The following FKBP15 variants were observed in gnomAD, a reference collection of about 807,000 sequenced individuals.
The protein encoded by FKBP15 is FK506-binding protein 15.
In FKBP15, 106 loss-of-function variants were observed where a neutral mutation model predicts 158.1. The ratio of observed to expected loss-of-function variants is 0.67; its 90% CI spans 0.57 to 0.79. FKBP15 has a LOEUF of 0.79. FKBP15 is among the 30% of genes least tolerant of loss of function. The pLI is 0.00. For synonymous variants in FKBP15, 547 were observed against 548.6 expected (o/e 1.00, Z 0.04); for missense variants, 1,287 against 1,479.1 (o/e 0.87, Z 2.13).
chr9:113,211,617 A>T, intron 1 of FKBP15, 25 bp from the exon 2 acceptor site: 1 of 1,516,724 alleles, frequency 6.6e-7, no homozygotes, highest in Admixed American at 1.9e-5. Flanking sequence ...TGAAAAATGA[A>T]ATTTCACTGA....
chr9:113,161,761 C>A lies in FKBP15; in HGVS notation c.*4317G>T. ...ACATTCACCCTGAGAGACAGGCTGG[C>A]CCAGACAGCATTAGCCCCACTTCAC... is the stretch of plus-strand genomic sequence containing the variant. On this transcript the variant is annotated 3_prime_UTR_variant, in exon 28 of 28. Coordinates refer to ENST00000238256, the MANE Select transcript of FKBP15 (RefSeq NM_015258.2). 1 of 1,558,898 alleles carries A rather than the reference C, an allele frequency of 6.4e-7. No homozygotes were observed. Among genetic ancestry groups the A allele is most frequent in the Non-Finnish European group, 8.8e-7 (1 of 1,134,646 alleles).
chr9:113,206,453 C>G (rs1336366562), intron 4 of FKBP15, 56 bp downstream of exon 4: 1 of 1,409,976 alleles, frequency 7.1e-7, no homozygotes, highest in Non-Finnish European at 1.0e-6. Context: ...TAAAAGCCAG[C>G]TCATTGGTAT....
chr9:113,197,535 G>C (rs1226648402), intron 8 of FKBP15, among the ~76,000 whole-genome samples: 1 of 152,134 alleles, frequency 6.6e-6, no homozygotes, highest in Non-Finnish European at 1.5e-5. Context: ...CAGATGTGGT[G>C]GTGCGCTCCT....
chr9:113,216,281 C>T (rs1011116680), intron 1 of FKBP15, among the ~76,000 whole-genome samples: 6 of 152,094 alleles, frequency 3.9e-5, no homozygotes, highest in African/African-American at 1.4e-4. Context: ...GTTATTTTGG[C>T]TTTTCAGGTT....
rs780318687 is a variant in FKBP15, at chr9:113,221,202, C to G, written c.42G>C (p.Ser14=). Reference sequence around the variant, plus strand: ...TCTCAGTCACTCACCCGCCGCTCGGCGAGAGGAAATCGGTGTCGTCCTCGT... The same window carrying G: ...TCTCAGTCACTCACCCGCCGCTCGGGGAGAGGAAATCGGTGTCGTCCTCGT... ...AGDEDDTDFL[S]PSGGARLASL... Residue 14 remains serine (S), a synonymous_variant, in exon 1 of 28, where the codon TCG becomes TCC. Transcript: ENST00000238256. The G allele has an allele frequency of 6.2e-6, 10 of 1,610,120 alleles. No homozygotes were observed. The highest frequency in any genetic ancestry group is 8.5e-6 in the Non-Finnish European group (10 of 1,178,006).
At position 113,169,239 on chromosome 9, in the gene FKBP15, T is replaced by G; in HGVS notation, c.3470A>C (p.His1157Pro). 1.9e-6 allele frequency: 3 copies of G among 1,613,286 alleles called. No homozygotes were observed. Among genetic ancestry groups the G allele is most frequent in the Non-Finnish European group, 2.5e-6 (3 of 1,179,418 alleles). Residue 1157 changes from histidine to proline, a missense_variant, in exon 26 of 28, where the codon CAT becomes CCT. Coordinates refer to ENST00000238256, the MANE Select transcript of FKBP15 (RefSeq NM_015258.2). ...AGGAACATACCTGGAACGCTGGGAA[T>G]GATGGCTGGGTCTGAGGGCTGCTCC... Reference protein sequence around the residue: ...VAGAALRPSHHSQRSSLSGDE... With the variant: ...VAGAALRPSHPSQRSSLSGDE...
At chr9:113,217,645 T>C (rs1022010402) in intron 1 of FKBP15, among the ~76,000 whole-genome samples, 4 of 152,086 alleles carry the variant, frequency 2.6e-5, no homozygotes, top group Non-Finnish European at 4.4e-5. Context: ...AGTTCAAGAC[T>C]AGCCTGAGCA....
rs761638553 is a variant in FKBP15, at chr9:113,184,279, T to C, written c.1716+13A>G. On this transcript the variant is annotated intron_variant, in intron 17 of 27. Transcript: ENST00000238256. This position sits in a 1 kb window ranked among gnomAD's most constrained non-coding sequence, Gnocchi z 4.5. ...ACCTTCAGCCTGAGTGGTATGTTCTTAATCACCCTCACCTGAATGATTCGC... is the reference window on the plus strand; with the variant it reads ...ACCTTCAGCCTGAGTGGTATGTTCTCAATCACCCTCACCTGAATGATTCGC... The C allele has an allele frequency of 6.4e-7, 1 of 1,566,478 alleles. No individual in the cohort carries two copies. Among genetic ancestry groups the C allele is most frequent in the Non-Finnish European group, 8.7e-7 (1 of 1,148,828 alleles).
chr9:113,193,076 A>G (rs752520117), intron 11 of FKBP15, among the ~76,000 whole-genome samples: 3 of 152,220 alleles, frequency 2.0e-5, no homozygotes, highest in Non-Finnish European at 4.4e-5. Context: ...AAAAGGGACT[A>G]TGAGTTCCTT....
rs1307912075 is a variant in FKBP15, at chr9:113,184,335, A to T, written c.1673T>A (p.Met558Lys). 2 of 1,606,240 alleles carry T rather than the reference A, an allele frequency of 1.2e-6. No individual in the cohort carries two copies. Among genetic ancestry groups the T allele is most frequent in the African/African-American group, 1.3e-5 (1 of 74,958 alleles). ...GTTGCTCATAATCATGCTTGTTTCCATTGTAACTGACATGCTAGGAATAAG... is the reference window on the plus strand; with the variant it reads ...GTTGCTCATAATCATGCTTGTTTCCTTTGTAACTGACATGCTAGGAATAAG... ...SMLIPSMSVTMETSMIMSNIQ... is the reference protein window; with the variant it reads ...SMLIPSMSVTKETSMIMSNIQ... Residue 558 changes from methionine to lysine, a missense_variant, in exon 17 of 28, where the codon ATG becomes AAG. Physicochemically the swap from Met to Lys is moderately conservative, Grantham distance 95 (BLOSUM62 -1). Transcript: ENST00000238256. The surrounding 1 kb of genome is among the most constrained non-coding windows in gnomAD (Gnocchi z 4.5).
chr9:113,169,015 C>CGCCACACTACCGCAGGGCCT (rs1830151842), intron 26 of FKBP15, among the ~76,000 whole-genome samples: 3 of 151,600 alleles, frequency 2.0e-5, no homozygotes, highest in South Asian at 4.2e-4. Flanking sequence ...CCGCAGGGCC[C>CGCCACACTACCGCAGGGCCT]GCCACACTAC....
At chr9:113,196,497 C>T (rs372292273) in intron 9 of FKBP15, among the ~76,000 whole-genome samples, 5 of 151,870 alleles carry the variant, frequency 3.3e-5, no homozygotes, top group Admixed American at 2.0e-4. Context: ...AATTCTCCTG[C>T]CTCAGCCTCC....
At chr9:113,216,301 C>T (rs1227295475) in intron 1 of FKBP15, among the ~76,000 whole-genome samples, 1 of 151,958 alleles carries the variant, frequency 6.6e-6, no homozygotes, top group East Asian at 1.9e-4. Context: ...TTTTTTAAAA[C>T]AAGTTTTATG....
At position 113,173,486 on chromosome 9, in the gene FKBP15, G is replaced by A; in HGVS notation, c.2499C>T (p.Ala833=). The A allele has an allele frequency of 6.2e-7, 1 of 1,613,776 alleles. No homozygotes were observed. Among genetic ancestry groups the A allele is most frequent in the Non-Finnish European group, 8.5e-7 (1 of 1,179,718 alleles). The change falls in exon 23 of 28, where the codon GCC becomes GCT. Residue 833 remains alanine (A), a synonymous_variant. Transcript: ENST00000238256. ...GAAGTTGTACCAGCTTCTGCTGGTAGGCATCTCTCTGTGCGCACACCTCCT... is the reference window on the plus strand; with the variant it reads ...GAAGTTGTACCAGCTTCTGCTGGTAAGCATCTCTCTGTGCGCACACCTCCT... ...QYQEVCAQRD[A]YQQKLVQLQE...
At chr9:113,178,918 C>G (rs922536776) in intron 19 of FKBP15, 117 bp from the exon 20 acceptor site, 30 of 1,023,242 alleles carry the variant, frequency 2.9e-5, no homozygotes, top group Non-Finnish European at 3.7e-5. Flanking sequence ...TTATGGCTGC[C>G]TTCAACCTGC....
intron 2 of FKBP15, among the ~76,000 whole-genome samples, chr9:113,208,453 G>GTGAGATA (rs1484665455): frequency 1.2e-4 from 18 of 152,212 alleles, no homozygotes; most frequent in South Asian, 2.1e-4. Flanking sequence ...TGGAAGAGTA[G>GTGAGATA]TGAGATAATA....
intron 21 of FKBP15, 77 bp downstream of exon 21, chr9:113,176,460 A>T: frequency 1.4e-6 from 2 of 1,421,978 alleles, no homozygotes; most frequent in Non-Finnish European, 1.9e-6. Context: ...ATAAGCACAT[A>T]CTATTGTAAT....
rs759487506 is a variant in FKBP15 at position 113,184,806 on chromosome 9, T to C, written c.1499-2A>G. On this transcript the variant is annotated splice_acceptor_variant, in intron 15 of 27. Coordinates refer to ENST00000238256, the MANE Select transcript of FKBP15 (RefSeq NM_015258.2). LOFTEE classifies it high-confidence loss of function. This position sits in a 1 kb window ranked among gnomAD's most constrained non-coding sequence, Gnocchi z 4.5. ...GAAATGAAGCCATATCACCTGATCC[T>C]AAACAGATACAAGCCAAAAAGAAAC... is the stretch of plus-strand genomic sequence containing the variant. 7 of 1,588,056 alleles carry C rather than the reference T, an allele frequency of 4.4e-6. No individual in the cohort carries two copies. The highest frequency in any genetic ancestry group is 3.3e-4 in the Middle Eastern group (2 of 6,020).
At chr9:113,183,623 T>C in intron 18 of FKBP15, 128 bp downstream of exon 18, 1 of 644,964 alleles carries the variant, frequency 1.6e-6, no homozygotes, top group South Asian at 1.9e-5. Context: ...ATAATTCACA[T>C]GACAGGCAGG....
Sources: gnomAD v4.1 joint callset for allele counts (sites outside exome capture counted in the v4.1 genomes callset) on GRCh38, gnomAD v4.1.1 for gene constraint, Gnocchi (gnomAD v3.1) non-coding constraint, MANE v1.5 for transcripts, NCBI Gene and HGNC (gene_info 2026-07-23, HGNC 2026-07-21) for gene names.